Variants in DIP2A observed in about 807,000 individuals in gnomAD.
DIP2A encodes the protein DIP2 acetate--CoA ligase A, also known as disco-interacting protein 2 homolog A.
Under a neutral mutation model 177.4 loss-of-function variants are expected in DIP2A, and 85 were observed. That is an observed-to-expected ratio of 0.48 (90% CI 0.40 to 0.57). DIP2A has a LOEUF of 0.57. Ranked by LOEUF, DIP2A falls within the 20% of genes least tolerant of loss-of-function variation. The pLI is 0.00. For missense variants in DIP2A, 1,791 were observed against 2,100.2 expected (o/e 0.85, Z 2.88); for synonymous variants, 886 against 881.8 (o/e 1.00, Z -0.08).
chr21:46,513,237 G>A lies in DIP2A; in HGVS notation c.1102+1623G>A, dbSNP rs191226463. Among the ~76,000 whole-genome samples the A allele has an allele frequency of 1.6e-3, 248 of 152,198 alleles. 2 individuals carry two copies. Among genetic ancestry groups the A allele is most frequent in the African/African-American group, 5.7e-3 (235 of 41,526 alleles). The stretch of plus-strand genomic sequence containing the variant: ...TGTTTTACTTTTCACATTTAGGTGT[G>A]ATGATCCATTTAGAATTTAATTTTG... On this transcript the variant is annotated intron_variant, in intron 8 of 37. Transcript: ENST00000417564.
chr21:46,521,600 G>T (rs929058236), intron 8 of DIP2A, among the ~76,000 whole-genome samples: 2 of 152,154 alleles, frequency 1.3e-5, no homozygotes, highest in African/African-American at 4.8e-5. Flanking sequence ...AAACCTTGTA[G>T]ACAAATCTAT....
At position 46,551,763 on chromosome 21, in the gene DIP2A, G is replaced by A; in HGVS notation, c.2949+20G>A. The A allele has an allele frequency of 1.9e-6, 3 of 1,613,672 alleles. No individual in the cohort carries two copies. Among genetic ancestry groups the A allele is most frequent in the Admixed American group, 3.3e-5 (2 of 59,972 alleles). On this transcript the variant is annotated intron_variant, in intron 24 of 37. Coordinates refer to ENST00000417564, the MANE Select transcript of DIP2A (RefSeq NM_015151.4). ...CGGAAGGTGACAGGCCAGTTCCGGG[G>A]ACGGGTGGACGGGTGTCTGTGCCCC...
At chr21:46,560,693 C>A (rs377438725) in intron 32 of DIP2A, 29 bp from the exon 33 acceptor site, 3 of 1,594,902 alleles carry the variant, frequency 1.9e-6, no homozygotes, top group Admixed American at 3.5e-5. Flanking sequence ...GGCCCCTGAA[C>A]AGAAGTTCCT....
chr21:46,523,759 A>G (rs1226037062), intron 8 of DIP2A, among the ~76,000 whole-genome samples: 1 of 152,184 alleles, frequency 6.6e-6, no homozygotes. Flanking sequence ...AGAGCTAACT[A>G]TGATATGAAC....
At chr21:46,549,687 G>GC (rs1242612169) in intron 21 of DIP2A, 84 bp from the exon 22 acceptor site, 3 of 1,573,690 alleles carry the variant, frequency 1.9e-6, no homozygotes, top group Non-Finnish European at 2.6e-6. Context: ...AGGACAGTCT[G>GC]CCTCTTCCAT....
intron 3 of DIP2A, 122 bp from the exon 4 acceptor site, chr21:46,496,866 T>A (rs2057385255): frequency 1.1e-6 from 1 of 936,536 alleles, no homozygotes; most frequent in Non-Finnish European, 1.5e-6. Flanking sequence ...CATGTGAGGA[T>A]AGACAGAGAG....
intron 3 of DIP2A, among the ~76,000 whole-genome samples, chr21:46,491,829 C>T (rs2057034120): frequency 6.6e-6 from 1 of 152,182 alleles, no homozygotes; most frequent in African/African-American, 2.4e-5. Context: ...AAACTGGTTT[C>T]TGCCCTTGTG....
intron 2 of DIP2A, among the ~76,000 whole-genome samples, chr21:46,487,256 A>G (rs941189367): frequency 6.6e-6 from 1 of 152,262 alleles, no homozygotes; most frequent in Non-Finnish European, 1.5e-5. Flanking sequence ...CAACAACAAC[A>G]AGAAGATTGA....
downstream of DIP2A, among the ~76,000 whole-genome samples, chr21:46,572,890 G>A (rs114071591): frequency 3.7e-3 from 557 of 152,206 alleles, 6 homozygotes; most frequent in African/African-American, 0.013. Context: ...AAATACCAGT[G>A]CATTACAATT....
intron 8 of DIP2A, among the ~76,000 whole-genome samples, chr21:46,516,663 T>G (rs1358723090): frequency 6.6e-6 from 1 of 151,770 alleles, no homozygotes; most frequent in Non-Finnish European, 1.5e-5. Flanking sequence ...CAGCTAATTT[T>G]TTTGTGTTTT....
At position 46,467,417 on chromosome 21, in the gene DIP2A, G is replaced by T. The variant is rs549658266; in HGVS notation, c.91+8195G>T. Among the ~76,000 whole-genome samples the T allele has an allele frequency of 8.5e-5, 13 of 152,252 alleles. No homozygotes were observed. In the South Asian group the frequency reaches 2.7e-3, roughly 32 times the overall value. Reference sequence around the variant, plus strand: ...GTGTCTCGCTCTGTTGCCCAGTTGGGAGTGCAGTGGTGTGAGGATAGCTCA... The same window carrying T: ...GTGTCTCGCTCTGTTGCCCAGTTGGTAGTGCAGTGGTGTGAGGATAGCTCA... On this transcript the variant is annotated intron_variant, in intron 1 of 37. Transcript: ENST00000417564.
In DIP2A at chr21:46,541,799, T is replaced by C. The variant is rs1213838793; in HGVS notation, c.2080T>C (p.Ser694Pro). ...ACCACCTCCAAGAAAAGCAGTCCTG[T>C]CGATGAACGGTCTAAGTTATGGTGT... is the stretch of plus-strand genomic sequence containing the variant. Reference protein sequence around the residue: ...GGPPPRKAVLSMNGLSYGVIR... With the variant: ...GGPPPRKAVLPMNGLSYGVIR... Residue 694 changes from serine (S) to proline (P), a missense_variant, in exon 18 of 38, where the codon TCG becomes CCG. Transcript: ENST00000417564. The C allele has an allele frequency of 6.2e-7, 1 of 1,613,894 alleles. No individual in the cohort carries two copies. Among genetic ancestry groups the C allele is most frequent in the Non-Finnish European group, 8.5e-7 (1 of 1,179,888 alleles).
rs2059664295 is a variant in DIP2A at position 46,538,468 on chromosome 21, A to G, written c.1802-15A>G. 6.5e-7 allele frequency: 1 copy of G among 1,541,866 alleles called. No homozygotes were observed. Among genetic ancestry groups the G allele is most frequent in the Non-Finnish European group, 8.7e-7 (1 of 1,146,768 alleles). ...CTTGTGACGCAGGGATGTCTGTGCC[A>G]TCCTCTCTCTGCAGCTCGGGCCGCG... On this transcript the variant is annotated splice_polypyrimidine_tract_variant and intron_variant, in intron 15 of 37. Transcript: ENST00000417564.
At chr21:46,574,240 A>C (rs1235561127), downstream of DIP2A, among the ~76,000 whole-genome samples, 2 of 152,214 alleles carry the variant, frequency 1.3e-5, no homozygotes, top group African/African-American at 2.4e-5. Flanking sequence ...ACACTTTCAA[A>C]CAACCAATGG....
Position 46,498,947 on chromosome 21 carries a change from C to T in DIP2A, c.655+114C>T, listed in dbSNP as rs1241003543. ...AGGCGCCACCCTGCAGACTTAGCTG[C>T]AGGCCTGAGTGCTCTCCAAGTGACT... On this transcript the variant is annotated intron_variant, in intron 5 of 37. Transcript: ENST00000417564. The surrounding 1 kb of genome is among the most constrained non-coding windows in gnomAD (Gnocchi z 4.3). 3.6e-6 allele frequency: 5 copies of T among 1,373,346 alleles called. No individual in the cohort carries two copies. The highest frequency in any genetic ancestry group is 3.9e-6 in the Non-Finnish European group (4 of 1,036,378). The allele number at this position is 1,373,346 out of a possible 1,614,324, so 85.1% of individuals were successfully genotyped here. A position where few individuals can be genotyped will look rare whatever the true frequency, so the allele number is the denominator to read the frequency against.
In DIP2A at chr21:46,569,203, G is replaced by A. The variant is rs952003792; in HGVS notation, c.*1581G>A. ...ACCAGGTTTTTCCAGAATTAGTCTGGATCAGTGCCTAACAAAGCTGTTATT... is the reference window on the plus strand; with the variant it reads ...ACCAGGTTTTTCCAGAATTAGTCTGAATCAGTGCCTAACAAAGCTGTTATT... On this transcript the variant is annotated 3_prime_UTR_variant, in exon 38 of 38. Coordinates refer to ENST00000417564, the MANE Select transcript of DIP2A (RefSeq NM_015151.4). 1 of 152,104 alleles carries A rather than the reference G, an allele frequency of 6.6e-6. No individual in the cohort carries two copies. The highest frequency in any genetic ancestry group is 1.5e-5 in the Non-Finnish European group (1 of 68,016). 9.4% of individuals were successfully genotyped at this position (152,104 alleles called of 1,614,324 possible). A position where few individuals can be genotyped will look rare whatever the true frequency, so the allele number is the denominator to read the frequency against.
intron 23 of DIP2A, 70 bp from the exon 24 acceptor site, chr21:46,551,564 T>C (rs2060272366): frequency 7.6e-7 from 1 of 1,322,178 alleles, no homozygotes; most frequent in Non-Finnish European, 1.1e-6. Context: ...ATAAAAATTG[T>C]AAATAAAATC....
intron 1 of DIP2A, among the ~76,000 whole-genome samples, chr21:46,470,303 C>T (rs907105157): frequency 2.0e-5 from 3 of 151,786 alleles, no homozygotes; most frequent in African/African-American, 4.8e-5. Flanking sequence ...GGAGAAACCC[C>T]GTCTCTACTA....
chr21:46,571,306 G>A (rs546440253), downstream of DIP2A, among the ~76,000 whole-genome samples: 6 of 152,286 alleles, frequency 3.9e-5, no homozygotes, highest in South Asian at 4.1e-4. Flanking sequence ...AAAACCAGTC[G>A]CTGGTGCCAA....
Sources: gnomAD v4.1 joint callset for allele counts (sites outside exome capture counted in the v4.1 genomes callset) on GRCh38, gnomAD v4.1.1 for gene constraint, Gnocchi (gnomAD v3.1) non-coding constraint, MANE v1.5 for transcripts, NCBI Gene and HGNC (gene_info 2026-07-23, HGNC 2026-07-21) for gene names.